RFX7: variants seen among roughly 807,000 people sequenced by gnomAD.
RFX7 encodes the protein DNA-binding protein RFX7.
In RFX7, 26 loss-of-function variants were observed where a neutral mutation model predicts 111.8. The observed-to-expected ratio is 0.23, with a 90% CI of 0.17 to 0.32. RFX7 has a LOEUF of 0.32. Ranked by LOEUF, RFX7 falls within the 10% of genes least tolerant of loss-of-function variation. The probability of loss-of-function intolerance (pLI) is 1.00; values close to 1 mark genes in which losing one functional copy is unlikely to be tolerated. For synonymous variants in RFX7, 624 were observed against 624.4 expected (o/e 1.00, Z 0.01); for missense variants, 1,573 against 1,772.9 (o/e 0.89, Z 2.02).
intron 5 of RFX7, among the ~76,000 whole-genome samples, chr15:56,135,835 G>C (rs2042294040): frequency 6.6e-6 from 1 of 151,920 alleles, no homozygotes; most frequent in African/African-American, 2.4e-5. Flanking sequence ...TCTACATATG[G>C]CTAGCCAGTT....
chr15:56,108,155 G>A (rs769963662), intron 5 of RFX7, among the ~76,000 whole-genome samples: 1 of 152,164 alleles, frequency 6.6e-6, no homozygotes, highest in African/African-American at 2.4e-5. Context: ...CATTCCTTCT[G>A]AAACTATCCC....
At chr15:56,106,287 T>C (rs185948997) in intron 5 of RFX7, among the ~76,000 whole-genome samples, 3 of 152,356 alleles carry the variant, frequency 2.0e-5, no homozygotes, top group Admixed American at 1.3e-4. Flanking sequence ...CTTGGAAGGA[T>C]ATAACAACCT....
At chr15:56,132,774 A>C (rs2042236284) in intron 5 of RFX7, among the ~76,000 whole-genome samples, 1 of 152,124 alleles carries the variant, frequency 6.6e-6, no homozygotes, top group African/African-American at 2.4e-5. Flanking sequence ...TAATAAATGG[A>C]CATGTAAAAG....
rs566934868 is a variant in RFX7 at position 56,166,184 on chromosome 15, C to T, written c.195+13086G>A. On this transcript the variant is annotated intron_variant, in intron 3 of 9. Transcript: ENST00000559447. ...GTGTTGGGATTACAGGCATGAGCCA[C>T]GGCAACCAGCCTAGGTTGTCTACTC... Among the ~76,000 whole-genome samples, 21 of 152,262 alleles carry T rather than the reference C, an allele frequency of 1.4e-4. No individual in the cohort carries two copies. The South Asian group carries it at 4.1e-3, about 30-fold the overall frequency.
intron 2 of RFX7, among the ~76,000 whole-genome samples, chr15:56,236,060 T>C (rs555270257): frequency 6.6e-6 from 1 of 152,132 alleles, no homozygotes; most frequent in East Asian, 1.9e-4. Context: ...TTGTGCTCAG[T>C]TACGAGGAAA....
At chr15:56,217,297 C>T (rs1293766288) in intron 2 of RFX7, among the ~76,000 whole-genome samples, 1 of 152,088 alleles carries the variant, frequency 6.6e-6, no homozygotes, top group Non-Finnish European at 1.5e-5. Context: ...ACAATAATTC[C>T]ACAATATATC....
chr15:56,142,775 T>C lies in RFX7; in HGVS notation c.401+3A>G. 1 of 1,612,592 alleles carries C rather than the reference T, an allele frequency of 6.2e-7. No homozygotes were observed. The highest frequency in any genetic ancestry group is 8.5e-7 in the Non-Finnish European group (1 of 1,179,118). The stretch of plus-strand genomic sequence containing the variant: ...AGCATGCCATATTACACATACTACT[T>C]ACTTGTACTCATCATAGACTTCCTG... On this transcript the variant is annotated splice_donor_region_variant and intron_variant, in intron 5 of 9. Transcript: ENST00000559447.
intron 2 of RFX7, among the ~76,000 whole-genome samples, chr15:56,235,150 CAT>C (rs2043608688): frequency 6.6e-6 from 1 of 151,120 alleles, no homozygotes; most frequent in Non-Finnish European, 1.5e-5. Context: ...GCAGCCAGTT[CAT>C]ACAGTAATCC....
At position 56,090,764 on chromosome 15, in the gene RFX7, A is replaced by G. The variant is rs1447083656; in HGVS notation, c.*2581T>C. 1 of 152,594 alleles carries G rather than the reference A, an allele frequency of 6.6e-6. No individual in the cohort carries two copies. The highest frequency in any genetic ancestry group is 2.1e-4 in the South Asian group (1 of 4,830). The allele number at this position is 152,594 out of a possible 1,614,324, so 9.5% of individuals were successfully genotyped here. A position where few individuals can be genotyped will look rare whatever the true frequency, so the allele number is the denominator to read the frequency against. On this transcript the variant is annotated 3_prime_UTR_variant, in exon 10 of 10. Coordinates refer to ENST00000559447, the MANE Select transcript of RFX7 (RefSeq NM_022841.7). ...CGTGTAGTAAAGCACATTATAGTAC[A>G]AGACTATTATATGAACCTCAGAAGC...
chr15:56,099,340 A>G (rs1369493385), intron 8 of RFX7, among the ~76,000 whole-genome samples: 3 of 152,182 alleles, frequency 2.0e-5, no homozygotes, highest in African/African-American at 7.2e-5. Flanking sequence ...TGAGGAAGCT[A>G]TAACTCTCTC....
Position 56,093,628 on chromosome 15 carries a change from C to A in RFX7, c.4100G>T (p.Gly1367Val), listed in dbSNP as rs2041626865. 2 of 1,613,876 alleles carry A rather than the reference C, an allele frequency of 1.2e-6. No homozygotes were observed. The highest frequency in any genetic ancestry group is 1.7e-6 in the Non-Finnish European group (2 of 1,179,830). ...ATTAGTGAGATCAGATGCTCCCTGACCTACCAGCTGCTGGTTGGTTTGCAA... is the reference window on the plus strand; with the variant it reads ...ATTAGTGAGATCAGATGCTCCCTGAACTACCAGCTGCTGGTTGGTTTGCAA... ...DSLQTNQQLVGQGASDLTNTA... is the reference protein window; with the variant it reads ...DSLQTNQQLVVQGASDLTNTA... The change falls in exon 10 of 10, where the codon GGT becomes GTT. Residue 1367 changes from glycine to valine, a missense_variant. By Grantham distance (109) the Gly-to-Val change is moderately radical (BLOSUM62 -3). Transcript: ENST00000559447.
chr15:56,192,201 C>T (rs979373842), intron 2 of RFX7, among the ~76,000 whole-genome samples: 1 of 151,990 alleles, frequency 6.6e-6, no homozygotes, highest in African/African-American at 2.4e-5. Flanking sequence ...GTAATAATAA[C>T]TTCGGATAGA....
chr15:56,158,343 C>T lies in RFX7; in HGVS notation c.196-13860G>A, dbSNP rs192342864. Among the ~76,000 whole-genome samples, 31 of 152,148 alleles carry T rather than the reference C, an allele frequency of 2.0e-4. No individual in the cohort carries two copies. The East Asian group carries it at 5.2e-3, about 26-fold the overall frequency. On this transcript the variant is annotated intron_variant, in intron 3 of 9. Coordinates refer to ENST00000559447, the MANE Select transcript of RFX7 (RefSeq NM_022841.7). Reference sequence around the variant, plus strand: ...TGCTCATAATTTTTGTGATATAAAACTTATGATAGGTAGTGTTATGTAAAT... The same window carrying T: ...TGCTCATAATTTTTGTGATATAAAATTTATGATAGGTAGTGTTATGTAAAT...
chr15:56,093,443 A>G lies in RFX7; in HGVS notation c.4285T>C (p.Phe1429Leu), dbSNP rs1273340966. Residue 1429 changes from phenylalanine to leucine, a missense_variant, in exon 10 of 10, where the codon TTT (phenylalanine) becomes CTT (leucine). Physicochemically the swap from Phe to Leu is conservative, Grantham distance 22. Coordinates refer to ENST00000559447, the MANE Select transcript of RFX7 (RefSeq NM_022841.7). Reference protein sequence around the residue: ...TLEELKNDPLFQQICSESMNS... With the variant: ...TLEELKNDPLLQQICSESMNS... ...ATGGATTCACTGCAAATTTGTTGAAATAATGGGTCATTCTTTAATTCTTCC... is the reference window on the plus strand; with the variant it reads ...ATGGATTCACTGCAAATTTGTTGAAGTAATGGGTCATTCTTTAATTCTTCC... The G allele has an allele frequency of 6.2e-7, 1 of 1,613,896 alleles. No individual in the cohort carries two copies. Among genetic ancestry groups the G allele is most frequent in the East Asian group, 2.2e-5 (1 of 44,880 alleles).
rs368082112 is a variant in RFX7 at position 56,226,083 on chromosome 15, A to G, written c.161+17042T>C. 6.6e-5 allele frequency among the ~76,000 whole-genome samples: 10 copies of G among 152,144 alleles called. No homozygotes were observed. The East Asian group carries it at 1.3e-3, about 20-fold the overall frequency. On this transcript the variant is annotated intron_variant, in intron 2 of 9. Coordinates refer to ENST00000559447, the MANE Select transcript of RFX7 (RefSeq NM_022841.7). ...GATGGAGAAAAATTCAAGGAGCAAC[A>G]AAAGACAGGGAGACAAAATAGGAGG...
At chr15:56,185,378 T>TA (rs1302891686) in intron 2 of RFX7, among the ~76,000 whole-genome samples, 17 of 152,180 alleles carry the variant, frequency 1.1e-4, no homozygotes, top group Admixed American at 7.2e-4. Context: ...ATATTCTCTA[T>TA]TTATCTGCTA....
At chr15:56,128,610 C>G (rs541822836) in intron 5 of RFX7, among the ~76,000 whole-genome samples, 1 of 152,014 alleles carries the variant, frequency 6.6e-6, no homozygotes, top group African/African-American at 2.4e-5. Context: ...TACTTAATGG[C>G]AAAAGACTGA....
At chr15:56,186,660 TAC>T (rs1339471119) in intron 2 of RFX7, among the ~76,000 whole-genome samples, 1 of 152,060 alleles carries the variant, frequency 6.6e-6, no homozygotes, top group African/African-American at 2.4e-5. Flanking sequence ...ATGTATAATA[TAC>T]ACACATATCT....
chr15:56,140,891 CT>C (rs1595959529), intron 5 of RFX7, among the ~76,000 whole-genome samples: 1 of 152,194 alleles, frequency 6.6e-6, no homozygotes, highest in East Asian at 1.9e-4. Flanking sequence ...ATAAGGACTG[CT>C]TTCATGGGCC....
Sources: gnomAD v4.1 joint callset for allele counts (sites outside exome capture counted in the v4.1 genomes callset) on GRCh38, gnomAD v4.1.1 for gene constraint, MANE v1.5 for transcripts, NCBI Gene and HGNC (gene_info 2026-07-23, HGNC 2026-07-21) for gene names.